PCCA: variants seen among roughly 807,000 people sequenced by gnomAD.
PCCA encodes the protein propionyl-CoA carboxylase subunit alpha.
PCCA carries 74 observed loss-of-function variants against 101.3 expected under a neutral mutation model. The ratio of observed to expected loss-of-function variants is 0.73; its 90% CI spans 0.61 to 0.89. The LOEUF (loss-of-function observed/expected upper bound fraction) is 0.89, where lower values mean the gene tolerates loss of function less well. Among genes scored for constraint, PCCA ranks in the 40% least tolerant of loss-of-function variants. PCCA has a pLI of 0.00. For synonymous variants in PCCA, 294 were observed against 313.6 expected (o/e 0.94, Z 0.66); for missense variants, 891 against 907.0 (o/e 0.98, Z 0.23).
chr13:100,139,201 T>G (rs2051563899), intron 4 of PCCA, among the ~76,000 whole-genome samples: 2 of 152,084 alleles, frequency 1.3e-5, no homozygotes, highest in African/African-American at 4.8e-5. Flanking sequence ...GGTTTGATTA[T>G]GTTTTCTGAT....
chr13:100,499,956 A>G (rs1189843845), intron 21 of PCCA, among the ~76,000 whole-genome samples: 1 of 152,156 alleles, frequency 6.6e-6, no homozygotes, highest in Non-Finnish European at 1.5e-5. Context: ...TCGTTTGGGG[A>G]AAAGGAATAA....
At chr13:100,253,596 T>C (rs184445330) in intron 8 of PCCA, among the ~76,000 whole-genome samples, 56 of 152,364 alleles carry the variant, frequency 3.7e-4, no homozygotes, top group African/African-American at 1.3e-3. Flanking sequence ...GGAAACTTTG[T>C]AGTACTTTGC....
intron 19 of PCCA, among the ~76,000 whole-genome samples, chr13:100,380,333 G>A (rs2076157112): frequency 6.6e-6 from 1 of 152,142 alleles, no homozygotes. Context: ...CTGCACTCCA[G>A]CCTGGGATAC....
chr13:100,476,982 C>A (rs940919364), intron 21 of PCCA, among the ~76,000 whole-genome samples: 2 of 152,176 alleles, frequency 1.3e-5, no homozygotes, highest in Non-Finnish European at 2.9e-5. Flanking sequence ...AATTATCTTG[C>A]TTCCTTTCTT....
At chr13:100,283,199 G>A (rs1362829521) in intron 12 of PCCA, among the ~76,000 whole-genome samples, 2 of 152,156 alleles carry the variant, frequency 1.3e-5, no homozygotes, top group African/African-American at 4.8e-5. Flanking sequence ...AAAGAATGCG[G>A]CTTTAGCTGC....
intron 1 of PCCA, among the ~76,000 whole-genome samples, chr13:100,093,936 C>T (rs2046509711): frequency 6.6e-6 from 1 of 151,484 alleles, no homozygotes; most frequent in South Asian, 2.1e-4. Flanking sequence ...AAGACCCTGT[C>T]TCAAAAAAAA....
chr13:100,453,897 C>A (rs577663885), intron 21 of PCCA, among the ~76,000 whole-genome samples: 2 of 152,324 alleles, frequency 1.3e-5, no homozygotes, highest in Admixed American at 6.5e-5. Flanking sequence ...CAGAGTCTCA[C>A]TCAGTTGCCC....
At chr13:100,314,094 A>C (rs2067144029) in intron 16 of PCCA, among the ~76,000 whole-genome samples, 1 of 152,116 alleles carries the variant, frequency 6.6e-6, no homozygotes. Flanking sequence ...TCTAGATAGA[A>C]AGTGTTAACG....
chr13:100,370,543 C>T (rs7990089), intron 19 of PCCA, among the ~76,000 whole-genome samples: 4,286 of 152,184 alleles, frequency 0.028, 196 homozygotes, highest in African/African-American at 0.099. Context: ...GCATTAAAAA[C>T]TTCCCTGGAA....
At chr13:100,282,926 A>C (rs993051029) in intron 12 of PCCA, among the ~76,000 whole-genome samples, 4 of 152,134 alleles carry the variant, frequency 2.6e-5, no homozygotes, top group African/African-American at 9.7e-5. Flanking sequence ...GAAGGAAATA[A>C]GCAAAGAAAT....
At chr13:100,223,277 G>C (rs1381361852) in intron 7 of PCCA, among the ~76,000 whole-genome samples, 1 of 152,110 alleles carries the variant, frequency 6.6e-6, no homozygotes, top group Non-Finnish European at 1.5e-5. Flanking sequence ...GAATGAAGCC[G>C]CGGACCCTCG....
intron 1 of PCCA, among the ~76,000 whole-genome samples, chr13:100,092,695 G>A (rs968711368): frequency 2.0e-5 from 3 of 152,124 alleles, no homozygotes; most frequent in Non-Finnish European, 4.4e-5. Context: ...TGGTCTCATT[G>A]TGTGATGCAT....
At chr13:100,293,428 G>T (rs536701520) in intron 12 of PCCA, among the ~76,000 whole-genome samples, 7 of 152,078 alleles carry the variant, frequency 4.6e-5, no homozygotes, top group African/African-American at 1.7e-4. Context: ...CCTAAATTCT[G>T]GTTTATAACA....
intron 8 of PCCA, 23 bp downstream of exon 8, chr13:100,235,901 G>GT: frequency 1.3e-6 from 2 of 1,529,564 alleles, no homozygotes; most frequent in Non-Finnish European, 1.8e-6. Flanking sequence ...ATTAACTTTG[G>GT]TAGGATTTCT....
intron 4 of PCCA, among the ~76,000 whole-genome samples, chr13:100,125,645 C>T (rs910120389): frequency 4.6e-5 from 7 of 152,206 alleles, no homozygotes; most frequent in Non-Finnish European, 1.0e-4. Flanking sequence ...ATAGACTTTT[C>T]ATTAAAGAAC....
At chr13:100,229,284 A>G (rs1358359337) in intron 7 of PCCA, among the ~76,000 whole-genome samples, 1 of 152,210 alleles carries the variant, frequency 6.6e-6, no homozygotes, top group Non-Finnish European at 1.5e-5. Flanking sequence ...CTTGTTTTAA[A>G]CTGAAGCAAA....
intron 19 of PCCA, among the ~76,000 whole-genome samples, chr13:100,402,019 G>A (rs931054998): frequency 2.6e-5 from 4 of 152,114 alleles, no homozygotes; most frequent in Non-Finnish European, 5.9e-5. Context: ...ATACGTGTGC[G>A]TGGTGATGAG....
chr13:100,485,394 A>G (rs2084295168), intron 21 of PCCA, among the ~76,000 whole-genome samples: 2 of 152,194 alleles, frequency 1.3e-5, no homozygotes, highest in Non-Finnish European at 2.9e-5. Context: ...TTCTGGATCC[A>G]TGTTGAAATT....
intron 16 of PCCA, among the ~76,000 whole-genome samples, chr13:100,315,313 TA>T (rs1156450572): frequency 6.6e-6 from 1 of 151,990 alleles, no homozygotes; most frequent in African/African-American, 2.4e-5. Context: ...AATAAAAAGT[TA>T]AAAAAATAGG....
Sources: gnomAD v4.1 joint callset for allele counts (sites outside exome capture counted in the v4.1 genomes callset) on GRCh38, gnomAD v4.1.1 for gene constraint, MANE v1.5 for transcripts, NCBI Gene and HGNC (gene_info 2026-07-23, HGNC 2026-07-21) for gene names.